Variants in DPH6 observed in about 807,000 individuals in gnomAD.
The protein encoded by DPH6 is diphthine--ammonia ligase.
A neutral mutation model predicts 38.2 loss-of-function variants in DPH6; 33 were observed. The observed-to-expected ratio is 0.86, with a 90% confidence interval of 0.65 to 1.15. DPH6 has a LOEUF of 1.15. DPH6 is among the 50% of genes most tolerant of loss of function. DPH6 has a pLI of 0.00. For synonymous variants in DPH6, 108 were observed against 103.0 expected, an observed-to-expected ratio of 1.05 and a Z score of -0.30; for missense variants, 325 against 320.0, an observed-to-expected ratio of 1.02 and a Z score of -0.12.
intron 3 of DPH6, among the ~76,000 whole-genome samples, chr15:35,468,505 A>G (rs1178019327): frequency 6.6e-6 from 1 of 152,100 alleles, no homozygotes. Context: ...CAGATACCCC[A>G]TTATCTCTCT....
intron 3 of DPH6, among the ~76,000 whole-genome samples, chr15:35,337,757 T>C (rs142658211): frequency 0.36 from 55,013 of 151,612 alleles, 11,854 homozygotes; most frequent in African/African-American, 0.61. Context: ...AAGCTGGAGG[T>C]ATCACACTAC....
intron 3 of DPH6, among the ~76,000 whole-genome samples, chr15:35,338,129 T>G (rs536460086): frequency 3.3e-4 from 50 of 152,128 alleles, no homozygotes; most frequent in Non-Finnish European, 5.9e-4. Context: ...GGGCAAGGAC[T>G]TCACATCTAA....
intron 6 of DPH6, among the ~76,000 whole-genome samples, chr15:35,403,351 A>G (rs2053247090): frequency 6.6e-6 from 1 of 152,040 alleles, no homozygotes; most frequent in African/African-American, 2.4e-5. Context: ...AGGTATATAT[A>G]TATATATGGA....
intron 3 of DPH6, among the ~76,000 whole-genome samples, chr15:35,481,075 G>C (rs1171820870): frequency 1.3e-5 from 2 of 152,070 alleles, no homozygotes; most frequent in Non-Finnish European, 2.9e-5. Flanking sequence ...TCTGTGTTAT[G>C]TAACAAGATA....
At chr15:35,488,214 T>C (rs2054430496) in intron 3 of DPH6, among the ~76,000 whole-genome samples, 1 of 152,184 alleles carries the variant, frequency 6.6e-6, no homozygotes, top group African/African-American at 2.4e-5. Context: ...CATCTTCCTG[T>C]CTTCTTCTGA....
chr15:35,274,831 C>T (rs897478121), intron 3 of DPH6, among the ~76,000 whole-genome samples: 8 of 152,140 alleles, frequency 5.3e-5, no homozygotes, highest in Middle Eastern at 3.4e-3. Context: ...GATGACAGTG[C>T]GGCGATTCCT....
intron 4 of DPH6, among the ~76,000 whole-genome samples, chr15:35,452,239 A>T (rs2053944991): frequency 6.6e-6 from 1 of 152,144 alleles, no homozygotes; most frequent in Non-Finnish European, 1.5e-5. Context: ...TTTCTCAGAG[A>T]GGACTATAAT....
At chr15:35,336,443 T>C (rs377323935) in intron 3 of DPH6, among the ~76,000 whole-genome samples, 18 of 152,282 alleles carry the variant, frequency 1.2e-4, no homozygotes, top group African/African-American at 4.3e-4. Flanking sequence ...CTGATACCCT[T>C]TCTTCCAGTT....
chr15:35,464,308 T>A (rs1244018420), intron 3 of DPH6, among the ~76,000 whole-genome samples: 2 of 144,474 alleles, frequency 1.4e-5, no homozygotes, highest in Admixed American at 6.8e-5. Flanking sequence ...AAAAAAAAAA[T>A]AAGGCAAATA....
the DPH6 span, among the ~76,000 whole-genome samples, chr15:35,189,305 C>G: frequency 6.6e-6 from 1 of 152,168 alleles, no homozygotes; most frequent in African/African-American, 2.4e-5. Flanking sequence ...TTAAAGCAAA[C>G]CAAATAGGTA....
At chr15:35,284,560 T>C (rs1156659196) in intron 3 of DPH6, among the ~76,000 whole-genome samples, 1 of 150,668 alleles carries the variant, frequency 6.6e-6, no homozygotes, top group Non-Finnish European at 1.5e-5. Context: ...TTTTACAATA[T>C]AAATTATATA....
At chr15:35,291,155 A>C (rs1409557264) in intron 3 of DPH6, among the ~76,000 whole-genome samples, 1 of 152,166 alleles carries the variant, frequency 6.6e-6, no homozygotes, top group African/African-American at 2.4e-5. Flanking sequence ...ATCAACAATA[A>C]GTAGGAAAAA....
chr15:35,478,456 T>C (rs1278570334), intron 3 of DPH6, among the ~76,000 whole-genome samples: 1 of 151,668 alleles, frequency 6.6e-6, no homozygotes, highest in Non-Finnish European at 1.5e-5. Context: ...CTTAAAGCTA[T>C]ATTCTCAGTG....
chr15:35,459,306 G>C (rs184892852), intron 3 of DPH6, among the ~76,000 whole-genome samples: 82 of 152,218 alleles, frequency 5.4e-4, no homozygotes, highest in Non-Finnish European at 1.0e-3. Flanking sequence ...GGGGTGGCAG[G>C]GAGAAAGTGC....
At chr15:35,162,681 C>T in the DPH6 span, among the ~76,000 whole-genome samples, 1 of 151,846 alleles carries the variant, frequency 6.6e-6, no homozygotes, top group Non-Finnish European at 1.5e-5. Context: ...TTAATCAACT[C>T]TCTTCCATCA....
downstream of DPH6, among the ~76,000 whole-genome samples, chr15:35,369,869 T>A (rs1221956319): frequency 6.6e-6 from 1 of 151,802 alleles, no homozygotes; most frequent in Non-Finnish European, 1.5e-5. Context: ...ACGGAAAAAC[T>A]GATTGTAAGG....
At chr15:35,149,185 T>G in the DPH6 span, among the ~76,000 whole-genome samples, 1 of 152,156 alleles carries the variant, frequency 6.6e-6, no homozygotes, top group Non-Finnish European at 1.5e-5. Flanking sequence ...TAAACTAAAC[T>G]GAAAGCATTT....
the DPH6 span, among the ~76,000 whole-genome samples, chr15:35,166,194 T>C: frequency 1.3e-5 from 2 of 151,930 alleles, no homozygotes; most frequent in Non-Finnish European, 2.9e-5. Context: ...GCCCTCCTTC[T>C]ACCCTGAGGA....
At chr15:35,164,773 C>A in the DPH6 span, among the ~76,000 whole-genome samples, 1 of 151,832 alleles carries the variant, frequency 6.6e-6, no homozygotes, top group African/African-American at 2.4e-5. Context: ...ATGTCCTCAT[C>A]TTATAAAATG....
Sources: gnomAD v4.1 joint callset for allele counts (sites outside exome capture counted in the v4.1 genomes callset) on GRCh38, gnomAD v4.1.1 for gene constraint, MANE v1.5 for transcripts, NCBI Gene and HGNC (gene_info 2026-07-23, HGNC 2026-07-21) for gene names.